SOX5: variants seen among roughly 807,000 people sequenced by gnomAD.
SOX5 encodes SRY-box transcription factor 5.
SOX5 carries 9 observed loss-of-function variants against 92.0 expected under a neutral mutation model. The observed-to-expected ratio is 0.10, with a 90% CI of 0.06 to 0.17. The LOEUF is 0.17. Ranked by LOEUF, SOX5 falls within the 10% of genes least tolerant of loss-of-function variation. SOX5 has a pLI of 1.00. For synonymous variants in SOX5, 344 were observed against 336.3 expected, an observed-to-expected ratio of 1.02 and a Z score of -0.25; for missense variants, 642 against 944.5, an observed-to-expected ratio of 0.68 and a Z score of 4.20.
At chr12:24,004,180 A>C (rs1022404426) in intron 4 of SOX5, among the ~76,000 whole-genome samples, 13 of 151,960 alleles carry the variant, frequency 8.6e-5, no homozygotes, top group African/African-American at 3.1e-4. Flanking sequence ...GAATGTAAAA[A>C]CTACATCTAG....
chr12:23,700,715 A>G (rs950409404), intron 6 of SOX5, among the ~76,000 whole-genome samples: 6 of 152,052 alleles, frequency 3.9e-5, no homozygotes, highest in African/African-American at 1.4e-4. Flanking sequence ...AGTTTTCATA[A>G]ATATGTAGAG....
Position 24,181,191 on chromosome 12 carries a change from T to C in SOX5, c.-2+32152A>G, listed in dbSNP as rs1021969442. ...TGGGGATTTTCAGGAATTCATCATT[T>C]CTAATATTCACCGTAAACACTGACT... On this transcript the variant is annotated intron_variant, in intron 4 of 4. Transcript: ENST00000446891. Among the ~76,000 whole-genome samples, 11 of 152,310 alleles carry C rather than the reference T, an allele frequency of 7.2e-5. No homozygotes were observed. In the South Asian group the frequency reaches 2.3e-3, roughly 32 times the overall value.
intron 8 of SOX5, among the ~76,000 whole-genome samples, chr12:23,610,398 T>C (rs2075804036): frequency 6.6e-6 from 1 of 152,118 alleles, no homozygotes; most frequent in Admixed American, 6.6e-5. Context: ...GACAAAAATA[T>C]CTATCAAGAT....
At chr12:24,096,405 C>T (rs1945421364) in intron 4 of SOX5, among the ~76,000 whole-genome samples, 1 of 152,162 alleles carries the variant, frequency 6.6e-6, no homozygotes, top group African/African-American at 2.4e-5. Flanking sequence ...ACTTCCAAAA[C>T]ATTTACACCA....
chr12:23,603,249 C>T (rs2074749926), intron 9 of SOX5, among the ~76,000 whole-genome samples: 1 of 151,618 alleles, frequency 6.6e-6, no homozygotes, highest in Admixed American at 6.6e-5. Context: ...GACAGAGCCA[C>T]CAGGGTACTA....
rs187179755 is a variant in SOX5 at position 24,533,997 on chromosome 12, C to T, written c.-251+28332G>A. ...ATGGGGTCCAAAGGAGGCTCAGATC[C>T]CAAAGCATGGCCCTGTCCATTCCTA... On this transcript the variant is annotated intron_variant, in intron 1 of 4. Coordinates refer to the SOX5 transcript ENST00000446891. 2.0e-4 allele frequency among the ~76,000 whole-genome samples: 30 copies of T among 152,182 alleles called. No individual in the cohort carries two copies. In the South Asian group the frequency reaches 5.0e-3, roughly 25 times the overall value.
At chr12:23,843,688 C>G (rs1361209232) in intron 3 of SOX5, among the ~76,000 whole-genome samples, 1 of 149,290 alleles carries the variant, frequency 6.7e-6, no homozygotes, top group African/African-American at 2.5e-5. Flanking sequence ...CTCGGCTGCT[C>G]AAGTAGCTGG....
At chr12:23,989,553 C>T (rs1950368631) in intron 4 of SOX5, among the ~76,000 whole-genome samples, 1 of 152,100 alleles carries the variant, frequency 6.6e-6, no homozygotes, top group African/African-American at 2.4e-5. Context: ...TGTATCCTCC[C>T]AAAATTCACA....
At chr12:24,109,903 C>T (rs770414811) in intron 4 of SOX5, among the ~76,000 whole-genome samples, 3 of 152,174 alleles carry the variant, frequency 2.0e-5, no homozygotes, top group Admixed American at 6.5e-5. Flanking sequence ...GCAAAACATA[C>T]GTCCACAAAT....
intron 4 of SOX5, among the ~76,000 whole-genome samples, chr12:24,006,301 CTAAGA>C (rs967558961): frequency 1.3e-5 from 2 of 151,986 alleles, no homozygotes; most frequent in African/African-American, 4.8e-5. Context: ...ATGATTAATC[CTAAGA>C]TGTTACAATA....
At chr12:23,644,388 A>G (rs895880078) in intron 7 of SOX5, among the ~76,000 whole-genome samples, 1 of 152,230 alleles carries the variant, frequency 6.6e-6, no homozygotes, top group African/African-American at 2.4e-5. Flanking sequence ...CTGTGTCCAA[A>G]TAAATGTTTG....
intron 4 of SOX5, among the ~76,000 whole-genome samples, chr12:24,196,883 A>G (rs1565634460): frequency 1.3e-5 from 2 of 152,198 alleles, no homozygotes; most frequent in Non-Finnish European, 2.9e-5. Flanking sequence ...AGCCTGGGTA[A>G]CAGAGCTAAA....
intron 4 of SOX5, among the ~76,000 whole-genome samples, chr12:23,752,223 G>T (rs1487021896): frequency 6.6e-6 from 1 of 151,424 alleles, no homozygotes; most frequent in Non-Finnish European, 1.5e-5. Flanking sequence ...CCGTGACCAG[G>T]GTCAGAAGAA....
chr12:24,003,730 C>G (rs4400891), intron 4 of SOX5, among the ~76,000 whole-genome samples: 2 of 151,142 alleles, frequency 1.3e-5, no homozygotes, highest in Non-Finnish European at 3.0e-5. Flanking sequence ...CCTAGATATG[C>G]CTACATATTA....
At chr12:23,837,247 ATAT>A (rs1568202576) in intron 3 of SOX5, among the ~76,000 whole-genome samples, 1 of 76,514 alleles carries the variant, frequency 1.3e-5, no homozygotes, top group Non-Finnish European at 3.2e-5. Flanking sequence ...TATATAATAT[ATAT>A]TTATATTTAT....
intron 6 of SOX5, among the ~76,000 whole-genome samples, chr12:23,672,303 G>C (rs2084923119): frequency 6.6e-6 from 1 of 152,102 alleles, no homozygotes; most frequent in Admixed American, 6.6e-5. Context: ...ACTTGATTCT[G>C]ACTGACTGCT....
At chr12:23,772,948 C>T (rs1447303434) in intron 3 of SOX5, among the ~76,000 whole-genome samples, 5 of 152,098 alleles carry the variant, frequency 3.3e-5, no homozygotes, top group Admixed American at 6.6e-5. Flanking sequence ...TCAAGCAAAT[C>T]GGTATCTGCA....
At chr12:23,809,487 G>A in intron 3 of SOX5, among the ~76,000 whole-genome samples, 1 of 151,760 alleles carries the variant, frequency 6.6e-6, no homozygotes, top group East Asian at 1.9e-4. Flanking sequence ...AAATTATAAA[G>A]TAGCCCCAAA....
chr12:24,162,948 C>CT (rs1417401703), intron 4 of SOX5, among the ~76,000 whole-genome samples: 2 of 151,978 alleles, frequency 1.3e-5, no homozygotes, highest in Middle Eastern at 3.2e-3. Flanking sequence ...TTCATCTGGC[C>CT]TTTTTTTGGT....
Sources: gnomAD v4.1 joint callset for allele counts (sites outside exome capture counted in the v4.1 genomes callset) on GRCh38, gnomAD v4.1.1 for gene constraint, MANE v1.5 for transcripts, NCBI Gene and HGNC (gene_info 2026-07-23, HGNC 2026-07-21) for gene names.